The following PCDHA8 variants were observed in gnomAD, a reference collection of about 807,000 sequenced individuals.
The protein encoded by PCDHA8 is protocadherin alpha-8.
Under a neutral mutation model 61.8 loss-of-function variants are expected in PCDHA8, and 53 were observed. That is an observed-to-expected ratio of 0.86 (90% CI 0.69 to 1.08). PCDHA8 has a LOEUF of 1.08. Among genes scored for constraint, PCDHA8 ranks in the 50% least tolerant of loss-of-function variants. The probability of loss-of-function intolerance (pLI) is 0.00; values close to 1 mark genes in which losing one functional copy is unlikely to be tolerated. For synonymous variants in PCDHA8, 618 were observed against 556.6 expected, an observed-to-expected ratio of 1.11 and a Z score of -1.55; for missense variants, 1,293 against 1,245.0, an observed-to-expected ratio of 1.04 and a Z score of -0.58.
At chr5:140,869,932 G>A (rs1291685236) in intron 1 of PCDHA8, 45 of 1,611,630 alleles carry the variant, frequency 2.8e-5, no homozygotes, top group Non-Finnish European at 3.5e-5. Context: ...CAATGGAGAG[G>A]TAACATACTC....
intron 1 of PCDHA8, chr5:140,869,092 A>G (rs782192400): frequency 1.7e-5 from 27 of 1,591,278 alleles, no homozygotes; most frequent in Non-Finnish European, 2.1e-5. Flanking sequence ...TTGGAAGCCA[A>G]TTTCGTATGC....
intron 3 of PCDHA8, among the ~76,000 whole-genome samples, chr5:140,983,987 C>T (rs1372272659): frequency 6.6e-6 from 1 of 152,126 alleles, no homozygotes; most frequent in East Asian, 1.9e-4. Context: ...CGAGTTGAAG[C>T]AATTCATTAG....
rs147440301 is a variant in PCDHA8, at chr5:140,924,523, G to A, written c.2395-54426G>A. On this transcript the variant is annotated intron_variant, in intron 1 of 3. Transcript: ENST00000531613. ...AATCCCACTCTTAGTGTTAAAAAGA[G>A]AATGCCCGAGCTACCCCTCTCCCCA... is the stretch of plus-strand genomic sequence containing the variant. Among the ~76,000 whole-genome samples, 1,224 of 152,202 alleles carry A rather than the reference G, an allele frequency of 8.0e-3. 6 individuals carry two copies. The highest frequency in any genetic ancestry group is 0.019 in the African/African-American group (791 of 41,530).
At chr5:140,913,667 G>A (rs2076425699) in intron 1 of PCDHA8, among the ~76,000 whole-genome samples, 2 of 152,000 alleles carry the variant, frequency 1.3e-5, no homozygotes, top group South Asian at 2.1e-4. Flanking sequence ...GTATAGTTAG[G>A]TTATTTAAAA....
Position 140,848,347 on chromosome 5 carries a change from C to T in PCDHA8, c.2394+4632C>T. On this transcript the variant is annotated intron_variant, in intron 1 of 3. Coordinates refer to ENST00000531613, the MANE Select transcript of PCDHA8 (RefSeq NM_018911.3). ...CTCTCTGAATCCAGACAAATACAGC[C>T]CTTTTCCCATGGGAAAGAGGCTCAA... The T allele has an allele frequency of 5.3e-6, 5 of 935,472 alleles. 1 individual carries two copies. The highest frequency in any genetic ancestry group is 8.2e-6 in the Non-Finnish European group (5 of 611,314). 57.9% of individuals were successfully genotyped at this position (935,472 alleles called of 1,614,324 possible). A position where few individuals can be genotyped will look rare whatever the true frequency, so the allele number is the denominator to read the frequency against.
rs2150368778 is a variant in PCDHA8 at position 140,844,097 on chromosome 5, C to T, written c.2394+382C>T. ...CTTAGGCACTGAACTCTTAATCTTA[C>T]TCCATATGCTGTACTTTGAAATGCA... On this transcript the variant is annotated intron_variant, in intron 1 of 3. Coordinates refer to ENST00000531613, the MANE Select transcript of PCDHA8 (RefSeq NM_018911.3). 8.7e-5 allele frequency among the ~76,000 whole-genome samples: 13 copies of T among 149,676 alleles called. No individual in the cohort carries two copies. In the East Asian group the frequency reaches 1.9e-3, roughly 22 times the overall value.
chr5:140,978,875 T>A, intron 1 of PCDHA8, 74 bp from the exon 2 acceptor site: 2 of 1,609,316 alleles, frequency 1.2e-6, no homozygotes, highest in Non-Finnish European at 1.7e-6. Flanking sequence ...AGGGAGTAAC[T>A]AATCAATTAG....
intron 1 of PCDHA8, chr5:140,855,937 A>G: frequency 7.7e-7 from 1 of 1,306,456 alleles, no homozygotes; most frequent in Non-Finnish European, 1.1e-6. Flanking sequence ...TCATTCTGAG[A>G]TCTCAGCCAT....
intron 1 of PCDHA8, among the ~76,000 whole-genome samples, chr5:140,964,532 G>A (rs995586958): frequency 2.0e-5 from 3 of 152,156 alleles, no homozygotes; most frequent in Non-Finnish European, 4.4e-5. Context: ...TCTGAGCTGC[G>A]TGCAGAGATG....
At chr5:140,967,246 G>A in intron 1 of PCDHA8, 1 of 1,613,594 alleles carries the variant, frequency 6.2e-7, no homozygotes, top group Non-Finnish European at 8.5e-7. Context: ...TAAGCGAATC[G>A]GTGGCGCCTG....
chr5:140,866,911 G>C (rs1359822435), intron 1 of PCDHA8: 4 of 152,102 alleles, frequency 2.6e-5, no homozygotes, highest in African/African-American at 9.7e-5. Context: ...GATCCTCAAA[G>C]ATGAGTTCAA....
intron 3 of PCDHA8, among the ~76,000 whole-genome samples, chr5:141,000,361 G>GTCTCTCTCTC (rs148596731): frequency 1.1e-4 from 3 of 26,446 alleles, no homozygotes; most frequent in East Asian, 1.6e-3. Context: ...GTCTCTCTCT[G>GTCTCTCTCTC]TCTCTCTCTC....
chr5:140,939,388 A>C, intron 1 of PCDHA8, among the ~76,000 whole-genome samples: 1 of 152,232 alleles, frequency 6.6e-6, no homozygotes, highest in East Asian at 1.9e-4. Context: ...CATTCAGATC[A>C]TAGCAAGTTT....
At position 140,979,365 on chromosome 5, in the gene PCDHA8, C is replaced by T. The variant is rs782063202; in HGVS notation, c.2453+358C>T. Among the ~76,000 whole-genome samples, 13 of 151,916 alleles carry T rather than the reference C, an allele frequency of 8.6e-5. 1 individual carries two copies. The highest frequency in any genetic ancestry group is 1.5e-5 in the Non-Finnish European group (1 of 67,992). On this transcript the variant is annotated intron_variant, in intron 2 of 3. Coordinates refer to ENST00000531613, the MANE Select transcript of PCDHA8 (RefSeq NM_018911.3). ...TGTAATTAATACTCATGCTTTGAGA[C>T]TTGGGTACATTGTGCAATGTATACA...
intron 1 of PCDHA8, chr5:140,882,663 T>C (rs782768442): frequency 4.0e-5 from 65 of 1,614,026 alleles, no homozygotes; most frequent in Non-Finnish European, 5.3e-5. Flanking sequence ...AACCCGCCCA[T>C]ATTCCCTGAA....
intron 1 of PCDHA8, chr5:140,877,641 C>T (rs548787462): frequency 1.9e-6 from 3 of 1,613,592 alleles, no homozygotes; most frequent in Non-Finnish European, 2.5e-6. Context: ...CGCTGCGTTG[C>T]TCAGCGCCGC....
intron 1 of PCDHA8, chr5:140,884,056 G>T (rs782776341): frequency 6.2e-7 from 1 of 1,613,358 alleles, no homozygotes; most frequent in Non-Finnish European, 8.5e-7. Flanking sequence ...AGGTGCGCGC[G>T]GTGGACGCCG....
rs145175505 is a variant in PCDHA8, at chr5:140,843,176, C to T, written c.1855C>T (p.Arg619Cys). Residue 619 changes from arginine (R) to cysteine (C), a missense_variant, in exon 1 of 4, where the codon CGC (arginine) becomes TGC (cysteine). Coordinates refer to ENST00000531613, the MANE Select transcript of PCDHA8 (RefSeq NM_018911.3). ...YELQPAASSPRIPFRVGLYTG... is the reference protein window; with the variant it reads ...YELQPAASSPCIPFRVGLYTG... ...GCTGCAGCCAGCTGCAAGCAGCCCT[C>T]GCATCCCGTTCCGCGTGGGGCTGTA... 1.2e-5 allele frequency: 19 copies of T among 1,595,968 alleles called. 3 individuals carry two copies. Among genetic ancestry groups the T allele is most frequent in the Non-Finnish European group, 1.5e-5 (18 of 1,165,618 alleles).
chr5:140,933,166 T>C (rs1447932546), intron 1 of PCDHA8, among the ~76,000 whole-genome samples: 1 of 152,002 alleles, frequency 6.6e-6, no homozygotes, highest in African/African-American at 2.4e-5. Context: ...CCAATTTTAA[T>C]TGATGGCATA....
Sources: allele counts gnomAD v4.1 joint callset (sites outside exome capture counted in the v4.1 genomes callset), GRCh38; gene constraint gnomAD v4.1.1; transcripts MANE v1.5; gene names NCBI Gene and HGNC (gene_info 2026-07-23, HGNC 2026-07-21).